RYR2: variants seen among roughly 807,000 people sequenced by gnomAD.
RYR2 encodes cardiac muscle ryanodine receptor-calcium release channel.
A neutral mutation model predicts 601.1 loss-of-function variants in RYR2; 227 were observed. The ratio of observed to expected loss-of-function variants is 0.38; its 90% CI spans 0.34 to 0.42. The LOEUF (loss-of-function observed/expected upper bound fraction) is 0.42, where lower values mean the gene tolerates loss of function less well. RYR2 is among the 10% of genes least tolerant of loss of function. The pLI is 1.00. For missense variants in RYR2, 4,646 were observed against 6,156.5 expected, an observed-to-expected ratio of 0.75 and a Z score of 8.21; for synonymous variants, 2,223 against 2,175.1, an observed-to-expected ratio of 1.02 and a Z score of -0.61.
intron 1 of RYR2, among the ~76,000 whole-genome samples, chr1:237,197,496 T>G (rs1247641253): frequency 6.6e-6 from 1 of 152,220 alleles, no homozygotes; most frequent in Non-Finnish European, 1.5e-5. Context: ...AGGCAAAGAC[T>G]TTTCCAGATG....
intron 1 of RYR2, among the ~76,000 whole-genome samples, chr1:237,166,358 A>G (rs1558352145): frequency 1.3e-5 from 2 of 152,270 alleles, no homozygotes; most frequent in African/African-American, 4.8e-5. Context: ...AAAATGAGCC[A>G]ATTAAGCATT....
chr1:237,494,850 G>A (rs1663863299), intron 19 of RYR2, among the ~76,000 whole-genome samples: 1 of 152,102 alleles, frequency 6.6e-6, no homozygotes, highest in African/African-American at 2.4e-5. Context: ...GAGTGAAGTG[G>A]CATGGTCTCA....
At chr1:237,238,129 C>T (rs1031635062) in intron 1 of RYR2, among the ~76,000 whole-genome samples, 1 of 151,390 alleles carries the variant, frequency 6.6e-6, no homozygotes, top group Admixed American at 6.6e-5. Context: ...CCACACCTGG[C>T]TAATTTTTGT....
intron 27 of RYR2, among the ~76,000 whole-genome samples, chr1:237,558,711 C>G (rs1473228012): frequency 7.9e-5 from 12 of 152,084 alleles, no homozygotes; most frequent in Admixed American, 6.5e-4. Flanking sequence ...TTCTGTCTCT[C>G]CTTACAGTCT....
intron 79 of RYR2, among the ~76,000 whole-genome samples, chr1:237,735,187 G>A (rs943768453): frequency 2.0e-5 from 3 of 152,198 alleles, no homozygotes; most frequent in Non-Finnish European, 2.9e-5. Context: ...AGCAGAGTAA[G>A]AACAGCTTCT....
intron 1 of RYR2, among the ~76,000 whole-genome samples, chr1:237,178,426 G>A (rs920689623): frequency 3.6e-5 from 4 of 110,436 alleles, no homozygotes; most frequent in South Asian, 2.7e-4. Flanking sequence ...CTGTGTGTGT[G>A]TGTGTGTGTG....
chr1:237,503,219 A>C, intron 21 of RYR2, 70 bp from the exon 22 acceptor site: 1 of 1,397,554 alleles, frequency 7.2e-7, no homozygotes, highest in Non-Finnish European at 9.8e-7. Context: ...TTTTTCCCTA[A>C]GATTTTGTGA....
At chr1:237,596,047 A>G (rs1301881053) in intron 34 of RYR2, among the ~76,000 whole-genome samples, 1 of 152,200 alleles carries the variant, frequency 6.6e-6, no homozygotes, top group Non-Finnish European at 1.5e-5. Context: ...CATCTACAGG[A>G]AAAGCTATTT....
intron 63 of RYR2, among the ~76,000 whole-genome samples, chr1:237,693,307 A>G (rs1002925427): frequency 6.6e-6 from 1 of 152,110 alleles, no homozygotes; most frequent in Non-Finnish European, 1.5e-5. Flanking sequence ...CCCTTAAAAT[A>G]ATAAGATCAT....
intron 1 of RYR2, among the ~76,000 whole-genome samples, chr1:237,093,491 CCCAGGGG>C (rs1667189970): frequency 6.6e-6 from 1 of 152,056 alleles, no homozygotes; most frequent in South Asian, 2.1e-4. Flanking sequence ...GAGCAGGAGC[CCCAGGGG>C]GCTTCTGCAA....
intron 1 of RYR2, among the ~76,000 whole-genome samples, chr1:237,263,068 A>G (rs1311322865): frequency 6.6e-6 from 1 of 152,162 alleles, no homozygotes; most frequent in African/African-American, 2.4e-5. Context: ...ATTGGGTTTT[A>G]TATTGAGGCT....
intron 58 of RYR2, among the ~76,000 whole-genome samples, chr1:237,669,776 C>T (rs1324845387): frequency 2.0e-5 from 3 of 150,714 alleles, no homozygotes; most frequent in Non-Finnish European, 4.4e-5. Flanking sequence ...GGGATGGCGG[C>T]CGGGCAGAGA....
intron 7 of RYR2, 93 bp downstream of exon 7, chr1:237,374,888 T>A (rs1026836455): frequency 4.3e-6 from 4 of 926,252 alleles, no homozygotes; most frequent in African/African-American, 1.7e-5. Flanking sequence ...ATGGGATGAA[T>A]GTTCTTATGG....
At chr1:237,657,325 G>A (rs1473513834) in intron 53 of RYR2, among the ~76,000 whole-genome samples, 2 of 151,750 alleles carry the variant, frequency 1.3e-5, no homozygotes, top group Non-Finnish European at 2.9e-5. Flanking sequence ...ATTTATTAAT[G>A]AATAGAATTA....
intron 36 of RYR2, 84 bp from the exon 37 acceptor site, chr1:237,613,955 C>A: frequency 7.8e-7 from 1 of 1,276,126 alleles, no homozygotes; most frequent in Non-Finnish European, 1.1e-6. Context: ...TTCAAATTTA[C>A]AGTGCATACT....
chr1:237,613,554 C>G (rs1279454660), intron 36 of RYR2, among the ~76,000 whole-genome samples: 1 of 152,042 alleles, frequency 6.6e-6, no homozygotes, highest in Non-Finnish European at 1.5e-5. Flanking sequence ...GCCACAGATC[C>G]TTGATACAAT....
rs545435871 is a variant in RYR2 at position 237,095,606 on chromosome 1, C to T, written c.48+53037C>T. ...ACAGAGCATCCCCCTAGCCTGGTGA[C>T]TGGAGATCAAGGAGCTAACCTTCAG... is the stretch of plus-strand genomic sequence containing the variant. On this transcript the variant is annotated intron_variant, in intron 1 of 104. Coordinates refer to ENST00000366574, the MANE Select transcript of RYR2 (RefSeq NM_001035.3). 2.0e-5 allele frequency among the ~76,000 whole-genome samples: 3 copies of T among 152,356 alleles called. No homozygotes were observed. In the South Asian group the frequency reaches 6.2e-4, roughly 32 times the overall value.
intron 1 of RYR2, among the ~76,000 whole-genome samples, chr1:237,102,750 G>C (rs1037745155): frequency 6.6e-6 from 1 of 152,172 alleles, no homozygotes; most frequent in Non-Finnish European, 1.5e-5. Flanking sequence ...CGCTACTCGG[G>C]AGGCTGAGGC....
intron 2 of RYR2, among the ~76,000 whole-genome samples, chr1:237,276,324 G>A (rs753581703): frequency 7.2e-5 from 11 of 151,984 alleles, no homozygotes; most frequent in Admixed American, 1.3e-4. Context: ...GGTCTAGAAC[G>A]CCTGACCTCA....
Sources: allele counts gnomAD v4.1 joint callset (sites outside exome capture counted in the v4.1 genomes callset), GRCh38; gene constraint gnomAD v4.1.1; transcripts MANE v1.5; gene names NCBI Gene and HGNC (gene_info 2026-07-23, HGNC 2026-07-21).